The following SLC2A12 variants were observed in gnomAD, a reference collection of about 807,000 sequenced individuals.
SLC2A12 encodes solute carrier family 2, facilitated glucose transporter member 12.
A neutral mutation model predicts 41.8 loss-of-function variants in SLC2A12; 23 were observed. The ratio of observed to expected loss-of-function variants is 0.55; its 90% CI spans 0.40 to 0.78. The LOEUF (loss-of-function observed/expected upper bound fraction) is 0.78, where lower values mean the gene tolerates loss of function less well. SLC2A12 is among the 30% of genes least tolerant of loss of function. The probability of loss-of-function intolerance (pLI) is 0.00; values close to 1 mark genes in which losing one functional copy is unlikely to be tolerated. For synonymous variants in SLC2A12, 295 were observed against 285.9 expected (o/e 1.03, Z -0.32); for missense variants, 654 against 745.6 (o/e 0.88, Z 1.43).
At chr6:134,019,208 T>C (rs1777008327) in intron 2 of SLC2A12, among the ~76,000 whole-genome samples, 1 of 151,966 alleles carries the variant, frequency 6.6e-6, no homozygotes, top group Admixed American at 6.6e-5. Context: ...ATAATTATTA[T>C]AAAAAAAACA....
At chr6:134,032,942 G>A (rs947128473) in intron 1 of SLC2A12, among the ~76,000 whole-genome samples, 1 of 149,508 alleles carries the variant, frequency 6.7e-6, no homozygotes, top group African/African-American at 2.5e-5. Context: ...TTTGCAACTT[G>A]TCAAAATAGA....
intron 2 of SLC2A12, 83 bp downstream of exon 2, chr6:134,028,298 C>G: frequency 6.7e-7 from 1 of 1,489,908 alleles, no homozygotes. Context: ...TGTCTTCCTT[C>G]TAGCACTTAT....
chr6:134,042,654 T>C (rs570287198), intron 1 of SLC2A12, among the ~76,000 whole-genome samples: 26 of 151,892 alleles, frequency 1.7e-4, no homozygotes, highest in Non-Finnish European at 2.4e-4. Context: ...CCTGAGGATT[T>C]TTTAAAAGTT....
intron 1 of SLC2A12, among the ~76,000 whole-genome samples, chr6:134,034,185 C>A (rs954753641): frequency 6.6e-6 from 1 of 152,146 alleles, no homozygotes; most frequent in African/African-American, 2.4e-5. Context: ...TGTCTCTGGG[C>A]AATTTGCCTT....
intron 2 of SLC2A12, among the ~76,000 whole-genome samples, chr6:134,012,713 A>G (rs1375852908): frequency 6.6e-6 from 1 of 152,196 alleles, no homozygotes; most frequent in Non-Finnish European, 1.5e-5. Flanking sequence ...CACTCCTACA[A>G]TTCCATTGCT....
chr6:134,045,028 C>T (rs1007502877), intron 1 of SLC2A12, among the ~76,000 whole-genome samples: 2 of 152,092 alleles, frequency 1.3e-5, no homozygotes, highest in African/African-American at 2.4e-5. Context: ...GGTACTTGTG[C>T]CACATGGATG....
intron 2 of SLC2A12, among the ~76,000 whole-genome samples, chr6:134,024,505 A>G (rs546380670): frequency 1.3e-5 from 2 of 152,226 alleles, no homozygotes; most frequent in East Asian, 1.9e-4. Context: ...CCAAATCCCT[A>G]TAGGAAATGA....
At chr6:134,034,275 T>G (rs1394590096) in intron 1 of SLC2A12, among the ~76,000 whole-genome samples, 7 of 152,194 alleles carry the variant, frequency 4.6e-5, no homozygotes, top group African/African-American at 1.7e-4. Flanking sequence ...AGTTATATGT[T>G]ACAGAATTTA....
At chr6:134,014,178 C>T (rs1280471586) in intron 2 of SLC2A12, among the ~76,000 whole-genome samples, 1 of 152,158 alleles carries the variant, frequency 6.6e-6, no homozygotes, top group African/African-American at 2.4e-5. Flanking sequence ...TGACGTTTAT[C>T]ATTAGATTCT....
intron 2 of SLC2A12, among the ~76,000 whole-genome samples, chr6:134,013,342 A>AT (rs1562194756): frequency 1.3e-5 from 2 of 152,012 alleles, no homozygotes; most frequent in East Asian, 3.8e-4. Context: ...TTAAATTGAA[A>AT]TTTTTTTATT....
At chr6:134,031,243 T>A (rs940208802) in intron 1 of SLC2A12, among the ~76,000 whole-genome samples, 2 of 152,044 alleles carry the variant, frequency 1.3e-5, no homozygotes, top group African/African-American at 4.8e-5. Context: ...AGTACAAAAA[T>A]AGCTGGGCAT....
At chr6:134,023,602 T>C (rs1267348707) in intron 2 of SLC2A12, among the ~76,000 whole-genome samples, 1 of 152,224 alleles carries the variant, frequency 6.6e-6, no homozygotes, top group Admixed American at 6.5e-5. Flanking sequence ...ATAATTAACG[T>C]TCCTGAGAAA....
rs1363817198 is a variant in SLC2A12 at position 134,028,712 on chromosome 6, G to A, written c.1113C>T (p.Asn371=). The part of the protein sequence containing the change: ...MGIVNLNIHM[N]FTHICRSHNS... ...TGTGGCTTCTGCAGATATGGGTGAA[G>A]TTCATGTGGATGTTGAGATTTACGA... Residue 371 remains asparagine (N), a synonymous_variant, in exon 2 of 5, where the codon AAC becomes AAT. Transcript: ENST00000275230. The A allele has an allele frequency of 6.8e-6, 11 of 1,614,208 alleles. No individual in the cohort carries two copies. The highest frequency in any genetic ancestry group is 9.3e-6 in the Non-Finnish European group (11 of 1,180,042).
At position 134,052,495 on chromosome 6, in the gene SLC2A12, T is replaced by TA; in HGVS notation, c.-16dup. 1 of 1,608,060 alleles carries TA rather than the reference T, an allele frequency of 6.2e-7. No individual in the cohort carries two copies. The highest frequency in any genetic ancestry group is 1.3e-5 in the African/African-American group (1 of 74,938). On this transcript the variant is annotated 5_prime_UTR_variant, in exon 1 of 5. The change abolishes the stop of an existing upstream ORF in the 5' untranslated region. Transcript: ENST00000275230. Reference sequence around the variant, plus strand: ...ACAGGTACCATGGTCACGTAGAAGTTACAGCCGCTTCCCCGCCACCAAACC... The same window carrying TA: ...ACAGGTACCATGGTCACGTAGAAGTTAACAGCCGCTTCCCCGCCACCAAACC...
intron 4 of SLC2A12, among the ~76,000 whole-genome samples, chr6:133,996,426 C>G (rs568508409): frequency 6.6e-6 from 1 of 152,324 alleles, no homozygotes; most frequent in East Asian, 1.9e-4. Flanking sequence ...TTGCAGAAAT[C>G]TTTTCTGACC....
chr6:134,048,461 C>G (rs1350021060), intron 1 of SLC2A12, among the ~76,000 whole-genome samples: 1 of 152,026 alleles, frequency 6.6e-6, no homozygotes, highest in African/African-American at 2.4e-5. Context: ...GCCAGCTGCT[C>G]AGGATGCTGA....
chr6:134,013,221 G>A (rs144294504), intron 2 of SLC2A12, among the ~76,000 whole-genome samples: 12 of 151,926 alleles, frequency 7.9e-5, no homozygotes, highest in African/African-American at 2.9e-4. Flanking sequence ...AACCCTGGAG[G>A]TGGAGGTGGA....
rs1431676175 is a variant in SLC2A12 at position 134,018,770 on chromosome 6, G to A, written c.1444+9611C>T. On this transcript the variant is annotated intron_variant, in intron 2 of 4. Coordinates refer to ENST00000275230, the MANE Select transcript of SLC2A12 (RefSeq NM_145176.3). ...GTGTGTTCATTTTTTTTTTCTTTTC[G>A]TCTGTCCCTATCACTGGTTCGTGAA... Among the ~76,000 whole-genome samples, 5 of 139,254 alleles carry A rather than the reference G, an allele frequency of 3.6e-5. No homozygotes were observed. In the South Asian group the frequency reaches 1.1e-3, roughly 31 times the overall value. The allele number at this position is 139,254 out of a possible 152,430, so 91.4% of individuals were successfully genotyped here.
At chr6:134,042,076 A>T (rs185949266) in intron 1 of SLC2A12, among the ~76,000 whole-genome samples, 29 of 152,322 alleles carry the variant, frequency 1.9e-4, no homozygotes, top group African/African-American at 6.7e-4. Context: ...GTTGTTTTTT[A>T]AAAAATTCAG....
Sources: gnomAD v4.1 joint callset for allele counts (sites outside exome capture counted in the v4.1 genomes callset) on GRCh38, gnomAD v4.1.1 for gene constraint, MANE v1.5 for transcripts, NCBI Gene and HGNC (gene_info 2026-07-23, HGNC 2026-07-21) for gene names.